Variants in MYH11 observed in about 807,000 individuals in gnomAD.
MYH11 encodes myosin-11.
In MYH11, 80 loss-of-function variants were observed where a neutral mutation model predicts 246.6. The observed-to-expected ratio is 0.32, with a 90% CI of 0.27 to 0.39. The LOEUF (loss-of-function observed/expected upper bound fraction) is 0.39. Among genes scored for constraint, MYH11 ranks in the 10% least tolerant of loss-of-function variants. MYH11 has a pLI of 1.00. For missense variants in MYH11, 2,158 were observed against 2,546.8 expected, an observed-to-expected ratio of 0.85 and a Z score of 3.29; for synonymous variants, 1,071 against 1,015.5, an observed-to-expected ratio of 1.05 and a Z score of -1.04.
intron 9 of MYH11, among the ~76,000 whole-genome samples, chr16:15,766,243 G>A (rs1366635268): frequency 2.6e-5 from 4 of 152,144 alleles, no homozygotes. Flanking sequence ...CAGCTACTCC[G>A]TCATTGCCAC....
intron 16 of MYH11, chr16:15,749,908 T>G: frequency 1.6e-6 from 1 of 607,552 alleles, no homozygotes; most frequent in Non-Finnish European, 2.9e-6. Context: ...AATGAATGAG[T>G]GGCTGGATGA....
intron 40 of MYH11, among the ~76,000 whole-genome samples, chr16:15,709,014 C>T (rs1430880153): frequency 6.6e-6 from 1 of 151,956 alleles, no homozygotes; most frequent in Non-Finnish European, 1.5e-5. Context: ...GCGATCTTGG[C>T]TCACTGCAAC....
At chr16:15,838,307 A>C in intron 1 of MYH11, 38 bp from the exon 2 acceptor site, 1 of 1,564,628 alleles carries the variant, frequency 6.4e-7, no homozygotes, top group South Asian at 1.1e-5. Context: ...TCAGACCACA[A>C]CCAAGCCCGG....
Position 15,748,178 on chromosome 16 carries a change from T to G in MYH11, c.2059-10A>C. 6.2e-7 allele frequency: 1 copy of G among 1,613,256 alleles called. No individual in the cohort carries two copies. Among genetic ancestry groups the G allele is most frequent in the Non-Finnish European group, 8.5e-7 (1 of 1,179,994 alleles). On this transcript the variant is annotated splice_polypyrimidine_tract_variant and intron_variant, in intron 16 of 40. Transcript: ENST00000300036. ...CATCCAGCTTGCCGGACTGCAAAGG[T>G]CAAAGAGGGCAGTGGATCCCTGGGG...
intron 20 of MYH11, among the ~76,000 whole-genome samples, chr16:15,743,383 G>A (rs936555609): frequency 2.0e-5 from 3 of 152,106 alleles, no homozygotes; most frequent in African/African-American, 7.2e-5. Flanking sequence ...TGGCCAGGCT[G>A]GTTTCGAACT....
chr16:15,778,158 A>G (rs57379392), intron 7 of MYH11, among the ~76,000 whole-genome samples: 33,041 of 152,070 alleles, frequency 0.22, 3,800 homozygotes, highest in Middle Eastern at 0.26. Context: ...AGAAATTTCT[A>G]ACTTGGCTCC....
rs535769179 is a variant in MYH11 at position 15,733,170 on chromosome 16, G to A, written c.3507-462C>T. Among the ~76,000 whole-genome samples the A allele has an allele frequency of 5.9e-5, 9 of 152,270 alleles. No homozygotes were observed. The South Asian group carries it at 1.7e-3, about 28-fold the overall frequency. ...GAGAGGGTAAGCAGTTTTACCCATGGTGTCACAGCCATTGTGTGATGGAGC... is the reference window on the plus strand; with the variant it reads ...GAGAGGGTAAGCAGTTTTACCCATGATGTCACAGCCATTGTGTGATGGAGC... On this transcript the variant is annotated intron_variant, in intron 26 of 40. Transcript: ENST00000300036.
At chr16:15,838,529 T>C (rs2043967065) in intron 1 of MYH11, among the ~76,000 whole-genome samples, 1 of 152,106 alleles carries the variant, frequency 6.6e-6, no homozygotes, top group Non-Finnish European at 1.5e-5. Flanking sequence ...TAAGCCATGC[T>C]ATTTCCACAC....
Position 15,829,598 on chromosome 16 carries a change from G to C in MYH11, c.346-6187C>G, listed in dbSNP as rs1199833696. Reference sequence around the variant, plus strand: ...CCCTCTCCAGCTGGTTAAATTCAGAGGTTTCAACATCCCAGCCTCCTGTGT... The same window carrying C: ...CCCTCTCCAGCTGGTTAAATTCAGACGTTTCAACATCCCAGCCTCCTGTGT... On this transcript the variant is annotated intron_variant, in intron 2 of 40. Coordinates refer to ENST00000300036, the MANE Select transcript of MYH11 (RefSeq NM_002474.3). Among the ~76,000 whole-genome samples, 9 of 152,306 alleles carry C rather than the reference G, an allele frequency of 5.9e-5. No homozygotes were observed. The East Asian group carries it at 1.7e-3, about 29-fold the overall frequency.
At chr16:15,725,594 T>C in intron 28 of MYH11, 1 of 406,470 alleles carries the variant, frequency 2.5e-6, no homozygotes. Context: ...ATCTCTTCCA[T>C]TGACAAGGAG....
chr16:15,776,754 G>C (rs1567752050), intron 7 of MYH11, among the ~76,000 whole-genome samples: 1 of 152,178 alleles, frequency 6.6e-6, no homozygotes, highest in Non-Finnish European at 1.5e-5. Context: ...TGACGGGATG[G>C]AGGCGAGAGA....
At chr16:15,774,347 GAAGACCAGAGGCA>G (rs1369917414) in intron 8 of MYH11, among the ~76,000 whole-genome samples, 1 of 152,172 alleles carries the variant, frequency 6.6e-6, no homozygotes, top group African/African-American at 2.4e-5. Context: ...CCCATTTCTG[GAAGACCAGAGGCA>G]AAGCACAAAA....
intron 4 of MYH11, among the ~76,000 whole-genome samples, chr16:15,796,743 G>A (rs1596855459): frequency 2.6e-5 from 4 of 152,258 alleles, no homozygotes; most frequent in Admixed American, 2.6e-4. Flanking sequence ...ATAAGAGAGA[G>A]GTAGGGGGAC....
intron 2 of MYH11, among the ~76,000 whole-genome samples, chr16:15,826,732 C>T (rs956157942): frequency 6.6e-6 from 1 of 151,994 alleles, no homozygotes; most frequent in African/African-American, 2.4e-5. Context: ...TGGTTCACAC[C>T]TATGATCCCA....
chr16:15,741,436 C>A (rs771942377), intron 22 of MYH11, 27 bp downstream of exon 22: 1 of 1,604,066 alleles, frequency 6.2e-7, no homozygotes, highest in East Asian at 2.2e-5. Flanking sequence ...TTGCTACCCA[C>A]CACGGGCTGC....
intron 38 of MYH11, among the ~76,000 whole-genome samples, chr16:15,716,608 A>C (rs921877667): frequency 1.3e-5 from 2 of 151,984 alleles, no homozygotes; most frequent in African/African-American, 4.8e-5. Context: ...TGCAACCTCC[A>C]CGTGTCACGT....
intron 9 of MYH11, among the ~76,000 whole-genome samples, chr16:15,765,427 TTGATGGATGGA>T (rs1471071359): frequency 6.6e-6 from 1 of 151,358 alleles, no homozygotes; most frequent in African/African-American, 2.4e-5. Context: ...GGATACAGCA[TTGATGGATGGA>T]TGATGGATGG....
In MYH11 at chr16:15,706,287, C is replaced by T. The variant is rs565407164; in HGVS notation, c.5787-2164G>A. Among the ~76,000 whole-genome samples the T allele has an allele frequency of 1.5e-4, 23 of 152,244 alleles. 1 individual carries two copies. The South Asian group carries it at 3.3e-3, about 22-fold the overall frequency. On this transcript the variant is annotated intron_variant, in intron 40 of 40. Coordinates refer to ENST00000300036, the MANE Select transcript of MYH11 (RefSeq NM_002474.3). ...ACCCTTAAGTCTTTTTCTTTTTTAG[C>T]ACTGTTTTCCAAGCGCTTGACTCAG...
chr16:15,795,852 G>A (rs79812418), intron 4 of MYH11, among the ~76,000 whole-genome samples: 337 of 152,318 alleles, frequency 2.2e-3, no homozygotes, highest in African/African-American at 7.9e-3. Flanking sequence ...GCTCAGAGAA[G>A]TGAACTGACT....
Sources: allele counts gnomAD v4.1 joint callset (sites outside exome capture counted in the v4.1 genomes callset), GRCh38; gene constraint gnomAD v4.1.1; transcripts MANE v1.5; gene names NCBI Gene and HGNC (gene_info 2026-07-23, HGNC 2026-07-21).